Variants in GTF2IRD1 observed in about 807,000 individuals in gnomAD.
The protein encoded by GTF2IRD1 is GTF2I repeat domain containing 1, also known as general transcription factor II-I repeat domain-containing protein 1.
GTF2IRD1 carries 26 observed loss-of-function variants against 113.2 expected under a neutral mutation model. The observed-to-expected ratio is 0.23, with a 90% CI of 0.17 to 0.32. The LOEUF (loss-of-function observed/expected upper bound fraction) is 0.32, where lower values mean the gene tolerates loss of function less well. GTF2IRD1 is among the 10% of genes least tolerant of loss of function. GTF2IRD1 has a pLI of 1.00. For synonymous variants in GTF2IRD1, 484 were observed against 529.1 expected (o/e 0.91, Z 1.17); for missense variants, 864 against 1,280.8 (o/e 0.67, Z 4.97).
At chr7:74,545,911 C>T (rs1562856924) in intron 16 of GTF2IRD1, 102 bp downstream of exon 16, 3 of 844,518 alleles carry the variant, frequency 3.6e-6, no homozygotes, top group African/African-American at 3.3e-5. Flanking sequence ...GTTCCCATCC[C>T]AGCTGTTCTC....
chr7:74,600,096 A>G (rs1373667129), intron 25 of GTF2IRD1, among the ~76,000 whole-genome samples: 1 of 152,206 alleles, frequency 6.6e-6, no homozygotes, highest in Non-Finnish European at 1.5e-5. Flanking sequence ...CACAGTGCCC[A>G]GCACCCAGAA....
intron 17 of GTF2IRD1, among the ~76,000 whole-genome samples, chr7:74,549,302 CAAAA>C (rs71813162): frequency 9.3e-6 from 1 of 108,066 alleles, no homozygotes; most frequent in Non-Finnish European, 2.0e-5. Context: ...GACTCTGTCT[CAAAA>C]AAAAAAAAAA....
chr7:74,480,527 G>A (rs1053558420), intron 1 of GTF2IRD1, among the ~76,000 whole-genome samples: 2 of 152,198 alleles, frequency 1.3e-5, no homozygotes, highest in African/African-American at 2.4e-5. Context: ...AGGCCACAAC[G>A]CCAGTTGCCA....
rs782030041 is a variant in GTF2IRD1 at position 74,590,857 on chromosome 7, G to T, written c.2431G>T (p.Val811Phe). 6.2e-7 allele frequency: 1 copy of T among 1,612,502 alleles called. No individual in the cohort carries two copies. The highest frequency in any genetic ancestry group is 2.2e-5 in the East Asian group (1 of 44,836). Residue 811 changes from valine (V) to phenylalanine (F), a missense_variant, in exon 24 of 27, where the codon GTC becomes TTC. Physicochemically the swap from Val to Phe is conservative, Grantham distance 50 (BLOSUM62 -1). Around this residue, in one of 7 missense-constraint regions of GTF2IRD1, gnomAD observed 195 missense variants for 359.1 expected, o/e 0.54. Coordinates refer to ENST00000424337, the MANE Select transcript of GTF2IRD1 (RefSeq NM_005685.4). ...EALGLNRPVL[V>F]PYKLIRDSPD... is the part of the protein sequence containing the mutation. ...CCTGGGCCTGAACCGGCCGGTGCTG[G>T]TCCCTTATAAACTAATCCGGGACAG...
At chr7:74,554,495 A>G (rs1300061791) in intron 17 of GTF2IRD1, among the ~76,000 whole-genome samples, 1 of 152,142 alleles carries the variant, frequency 6.6e-6, no homozygotes, top group Non-Finnish European at 1.5e-5. Flanking sequence ...AGACCTTTCC[A>G]GAAGCTTGGA....
chr7:74,535,766 G>A (rs1798256351), intron 10 of GTF2IRD1, among the ~76,000 whole-genome samples: 1 of 152,192 alleles, frequency 6.6e-6, no homozygotes, highest in Non-Finnish European at 1.5e-5. Flanking sequence ...ATGAGGATAA[G>A]GGCGCCTTCC....
chr7:74,539,662 T>C (rs1449548559), intron 13 of GTF2IRD1, among the ~76,000 whole-genome samples: 1 of 151,820 alleles, frequency 6.6e-6, no homozygotes, highest in Non-Finnish European at 1.5e-5. Flanking sequence ...GAGAATCGCT[T>C]GAACCCGGGA....
intron 1 of GTF2IRD1, among the ~76,000 whole-genome samples, chr7:74,489,625 G>C (rs1312501317): frequency 6.6e-6 from 1 of 152,190 alleles, no homozygotes; most frequent in African/African-American, 2.4e-5. Flanking sequence ...TGACAGGTGT[G>C]AGCCACCACT....
At chr7:74,544,121 G>A (rs1378034801) in intron 14 of GTF2IRD1, among the ~76,000 whole-genome samples, 1 of 152,090 alleles carries the variant, frequency 6.6e-6, no homozygotes, top group African/African-American at 2.4e-5. Flanking sequence ...TTTTATCTAT[G>A]TGCTAATTCA....
intron 22 of GTF2IRD1, among the ~76,000 whole-genome samples, chr7:74,560,263 G>C (rs782223691): frequency 6.6e-6 from 1 of 151,988 alleles, no homozygotes; most frequent in African/African-American, 2.4e-5. Context: ...CAGTGCACCT[G>C]CTCCTCCTGA....
At chr7:74,542,294 G>A (rs1554352001) in intron 14 of GTF2IRD1, among the ~76,000 whole-genome samples, 1 of 151,990 alleles carries the variant, frequency 6.6e-6, no homozygotes, top group Non-Finnish European at 1.5e-5. Flanking sequence ...AGCTACTTGG[G>A]ACACTGAGGC....
Position 74,519,582 on chromosome 7 carries a change from C to T in GTF2IRD1, c.779C>T (p.Thr260Met), listed in dbSNP as rs587627122. The change falls in exon 6 of 27, where the codon ACG becomes ATG. Residue 260 changes from threonine to methionine, a missense_variant. This residue lies in a region of GTF2IRD1 where 195 missense variants were observed against 196.6 expected (regional missense o/e 0.99). Coordinates refer to ENST00000424337, the MANE Select transcript of GTF2IRD1 (RefSeq NM_005685.4). ...TCCATGGCCAGCTTCCTGTACAGCA[C>T]GGCGCTCCCCAACCACGCCATCCGA... ...SSSMASFLYSTALPNHAIREL... is the reference protein window; with the variant it reads ...SSSMASFLYSMALPNHAIREL... 31 of 1,612,706 alleles carry T rather than the reference C, an allele frequency of 1.9e-5. No homozygotes were observed. Among genetic ancestry groups the T allele is most frequent in the South Asian group, 5.5e-5 (5 of 90,972 alleles).
chr7:74,479,034 C>T (rs1224589178), intron 1 of GTF2IRD1, among the ~76,000 whole-genome samples: 3 of 152,134 alleles, frequency 2.0e-5, no homozygotes, highest in Non-Finnish European at 4.4e-5. Context: ...CCGTCGCCAG[C>T]TCCTGGTCCC....
chr7:74,548,015 G>A (rs1554353882), intron 17 of GTF2IRD1, among the ~76,000 whole-genome samples: 36 of 152,168 alleles, frequency 2.4e-4, no homozygotes, highest in Non-Finnish European at 2.9e-5. Context: ...GGAAGGACCA[G>A]CAGTGGCTTC....
At chr7:74,458,320 G>C (rs1431479739) in intron 1 of GTF2IRD1, among the ~76,000 whole-genome samples, 2 of 152,108 alleles carry the variant, frequency 1.3e-5, no homozygotes, top group Admixed American at 1.3e-4. Context: ...AAGGAGATGC[G>C]TGAACCTGGC....
chr7:74,459,814 A>G (rs527661961), intron 1 of GTF2IRD1, among the ~76,000 whole-genome samples: 14 of 152,204 alleles, frequency 9.2e-5, no homozygotes, highest in South Asian at 2.1e-4. Context: ...TGCCAACCCT[A>G]CAACTGCTGC....
intron 22 of GTF2IRD1, among the ~76,000 whole-genome samples, chr7:74,566,177 T>G (rs901731685): frequency 6.6e-6 from 1 of 152,236 alleles, no homozygotes; most frequent in African/African-American, 2.4e-5. Flanking sequence ...TACATCTCAC[T>G]GTTCTTCTTT....
intron 1 of GTF2IRD1, among the ~76,000 whole-genome samples, chr7:74,455,107 A>G (rs1170633147): frequency 2.0e-5 from 3 of 151,996 alleles, no homozygotes; most frequent in South Asian, 2.1e-4. Flanking sequence ...TAGTGACCCT[A>G]CCTCCCAGGA....
At chr7:74,523,589 A>G (rs1005125985) in intron 7 of GTF2IRD1, among the ~76,000 whole-genome samples, 1 of 151,974 alleles carries the variant, frequency 6.6e-6, no homozygotes, top group African/African-American at 2.4e-5. Context: ...GTGTGGTGGC[A>G]GGTGCCCTGT....
Sources: gnomAD v4.1 joint callset for allele counts (sites outside exome capture counted in the v4.1 genomes callset) on GRCh38, gnomAD v4.1.1 for gene constraint, gnomAD v4.1.1 regional missense constraint, MANE v1.5 for transcripts, NCBI Gene and HGNC (gene_info 2026-07-23, HGNC 2026-07-21) for gene names.